Variants in NCALD observed in about 807,000 individuals in gnomAD.
NCALD encodes the protein neurocalcin delta, also known as neurocalcin-delta.
NCALD carries 10 observed loss-of-function variants against 18.6 expected under a neutral mutation model. That is an observed-to-expected ratio of 0.54 (90% CI 0.33 to 0.91). The LOEUF is 0.91. Among genes scored for constraint, NCALD ranks in the 40% least tolerant of loss-of-function variants. The pLI, the probability that NCALD is intolerant of heterozygous loss-of-function variation, is 0.03. For missense variants in NCALD, 184 were observed against 247.6 expected (o/e 0.74, Z 1.72); for synonymous variants, 88 against 87.4 (o/e 1.01, Z -0.04).
chr8:102,122,639 C>T (rs1825976855), intron 1 of NCALD, among the ~76,000 whole-genome samples: 2 of 152,216 alleles, frequency 1.3e-5, no homozygotes, highest in South Asian at 4.1e-4. Flanking sequence ...GGTATTAACT[C>T]ATTTTATCTT....
At chr8:101,891,769 C>G (rs1031951693) in intron 3 of NCALD, among the ~76,000 whole-genome samples, 2 of 152,340 alleles carry the variant, frequency 1.3e-5, no homozygotes, top group African/African-American at 2.4e-5. Context: ...CCTGGAAAAT[C>G]AGGTCACTCC....
chr8:101,901,684 C>T (rs190235382), intron 3 of NCALD, among the ~76,000 whole-genome samples: 2 of 152,136 alleles, frequency 1.3e-5, no homozygotes, highest in Non-Finnish European at 1.5e-5. Context: ...AGAACTACAT[C>T]GGATAGTGTT....
At chr8:101,891,554 G>T (rs868416015) in intron 3 of NCALD, among the ~76,000 whole-genome samples, 2 of 152,222 alleles carry the variant, frequency 1.3e-5, no homozygotes, top group African/African-American at 2.4e-5. Context: ...AGCTCCCAGC[G>T]TGAGCGACGC....
intron 1 of NCALD, among the ~76,000 whole-genome samples, chr8:102,055,048 T>C (rs1482846229): frequency 1.3e-5 from 2 of 151,702 alleles, no homozygotes; most frequent in African/African-American, 4.8e-5. Context: ...AGGAGCAATC[T>C]GTCAATATCC....
intron 2 of NCALD, among the ~76,000 whole-genome samples, chr8:102,008,631 A>G (rs1821792980): frequency 6.6e-6 from 1 of 152,078 alleles, no homozygotes; most frequent in African/African-American, 2.4e-5. Context: ...GGCCAATAGA[A>G]ATCTGTACAA....
chr8:101,916,796 A>T (rs1462646802), intron 2 of NCALD, among the ~76,000 whole-genome samples: 1 of 152,138 alleles, frequency 6.6e-6, no homozygotes, highest in Non-Finnish European at 1.5e-5. Flanking sequence ...TCAATTAAAC[A>T]AGAAGACTTA....
intron 1 of NCALD, among the ~76,000 whole-genome samples, chr8:102,120,298 G>A (rs191015605): frequency 3.2e-4 from 49 of 152,210 alleles, no homozygotes; most frequent in African/African-American, 6.5e-4. Context: ...TTCTCAGCCC[G>A]TCTCTAAGGA....
chr8:101,707,783 T>C (rs1452775137), intron 2 of NCALD, among the ~76,000 whole-genome samples: 1 of 151,944 alleles, frequency 6.6e-6, no homozygotes, highest in Non-Finnish European at 1.5e-5. Context: ...CAGGAGAATC[T>C]CTTGAACCCA....
chr8:101,792,943 T>C (rs1812499444), upstream of NCALD, among the ~76,000 whole-genome samples: 1 of 152,122 alleles, frequency 6.6e-6, no homozygotes, highest in African/African-American at 2.4e-5. Context: ...ATGGATTAAT[T>C]TGAAAATTAG....
chr8:101,978,864 T>C (rs1381545355), intron 2 of NCALD, among the ~76,000 whole-genome samples: 1 of 152,172 alleles, frequency 6.6e-6, no homozygotes, highest in East Asian at 1.9e-4. Context: ...AGGAAAACAG[T>C]GTTTGATAAA....
intron 2 of NCALD, among the ~76,000 whole-genome samples, chr8:101,701,721 T>C (rs150755981): frequency 1.1e-4 from 17 of 152,220 alleles, no homozygotes; most frequent in African/African-American, 4.1e-4. Flanking sequence ...AAACCAGATA[T>C]TTCATCACAA....
chr8:101,854,406 T>C (rs190804059), intron 4 of NCALD, among the ~76,000 whole-genome samples: 2 of 152,288 alleles, frequency 1.3e-5, no homozygotes, highest in East Asian at 1.9e-4. Context: ...TAGGGATGAA[T>C]TGCGTTCCTG....
At chr8:102,011,626 A>G (rs966743653) in intron 2 of NCALD, among the ~76,000 whole-genome samples, 1 of 152,210 alleles carries the variant, frequency 6.6e-6, no homozygotes, top group Admixed American at 6.5e-5. Context: ...GTTTATGTGT[A>G]AATAAACACA....
chr8:101,743,742 G>A (rs1810309794), intron 1 of NCALD, among the ~76,000 whole-genome samples: 1 of 152,128 alleles, frequency 6.6e-6, no homozygotes, highest in South Asian at 2.1e-4. Context: ...AATTTATGAG[G>A]ACAGATATCA....
chr8:101,853,367 G>T (rs1045781954), intron 4 of NCALD, among the ~76,000 whole-genome samples: 5 of 152,140 alleles, frequency 3.3e-5, no homozygotes, highest in Non-Finnish European at 5.9e-5. Context: ...AGGCATTTGG[G>T]AATAAAAGAT....
chr8:102,036,232 G>A (rs998470030), intron 1 of NCALD, among the ~76,000 whole-genome samples: 3 of 151,762 alleles, frequency 2.0e-5, no homozygotes, highest in African/African-American at 4.8e-5. Context: ...GGATCATTGA[G>A]CCCAGGAGTT....
upstream of NCALD, among the ~76,000 whole-genome samples, chr8:101,795,257 G>A (rs1482702402): frequency 1.3e-5 from 2 of 152,074 alleles, no homozygotes; most frequent in Non-Finnish European, 2.9e-5. Flanking sequence ...GAGTGGCAGA[G>A]GCAGCAAAAA....
chr8:102,105,358 C>T (rs1039289842), intron 1 of NCALD, among the ~76,000 whole-genome samples: 4 of 152,158 alleles, frequency 2.6e-5, no homozygotes, highest in African/African-American at 7.2e-5. Flanking sequence ...ACTGCCTTTC[C>T]CACAATCCCC....
chr8:101,787,984 C>A (rs1812296570), intron 1 of NCALD, among the ~76,000 whole-genome samples: 1 of 152,170 alleles, frequency 6.6e-6, no homozygotes. Context: ...CCTCTTAACC[C>A]CTGTCTAACC....
Sources: allele counts gnomAD v4.1 joint callset (sites outside exome capture counted in the v4.1 genomes callset), GRCh38; gene constraint gnomAD v4.1.1; transcripts MANE v1.5; gene names NCBI Gene and HGNC (gene_info 2026-07-23, HGNC 2026-07-21).